Variants in FBP1 observed in about 807,000 individuals in gnomAD.
FBP1 encodes the protein fructose-1,6-bisphosphatase 1.
Under a neutral mutation model 29.9 loss-of-function variants are expected in FBP1, and 22 were observed. The observed-to-expected ratio is 0.74, with a 90% confidence interval of 0.53 to 1.05. The LOEUF (loss-of-function observed/expected upper bound fraction) is 1.05, where lower values mean the gene tolerates loss of function less well. FBP1 is among the 50% of genes least tolerant of loss of function. The pLI is 0.00. For missense variants in FBP1, 345 were observed against 448.2 expected, an observed-to-expected ratio of 0.77 and a Z score of 2.08; for synonymous variants, 175 against 178.6, an observed-to-expected ratio of 0.98 and a Z score of 0.16.
chr9:94,632,331 A>G (rs1325122857), intron 1 of FBP1, among the ~76,000 whole-genome samples: 2 of 152,184 alleles, frequency 1.3e-5, no homozygotes, highest in African/African-American at 4.8e-5. Flanking sequence ...GGCTACTGCT[A>G]AGAAATGAAG....
chr9:94,617,689 T>C, intron 3 of FBP1, 79 bp downstream of exon 3: 1 of 908,036 alleles, frequency 1.1e-6, no homozygotes, highest in South Asian at 1.4e-5. Context: ...CTCCGGCTGC[T>C]CTGCCACAGT....
At chr9:94,613,894 ACG>A (rs1211932153) in intron 3 of FBP1, among the ~76,000 whole-genome samples, 4 of 149,980 alleles carry the variant, frequency 2.7e-5, no homozygotes, top group East Asian at 2.0e-4. Flanking sequence ...TGGCTAACAC[ACG>A]GTGAAACCCC....
At chr9:94,613,729 G>C (rs1401635448) in intron 3 of FBP1, among the ~76,000 whole-genome samples, 1 of 151,006 alleles carries the variant, frequency 6.6e-6, no homozygotes, top group East Asian at 2.0e-4. Flanking sequence ...TGGCGCCACT[G>C]CTCTCAGCCT....
At chr9:94,620,879 T>C (rs1827936769) in intron 1 of FBP1, among the ~76,000 whole-genome samples, 1 of 152,180 alleles carries the variant, frequency 6.6e-6, no homozygotes, top group South Asian at 2.1e-4. Context: ...AACCTACGCA[T>C]TCTGCATGTG....
At chr9:94,612,594 A>G (rs956642419) in intron 3 of FBP1, among the ~76,000 whole-genome samples, 2 of 120,664 alleles carry the variant, frequency 1.7e-5, no homozygotes, top group Admixed American at 1.3e-4. Context: ...GTCTTGCTCT[A>G]TCGCCAGGCT....
intron 1 of FBP1, among the ~76,000 whole-genome samples, chr9:94,624,337 CAA>C (rs10717568): frequency 0.11 from 10,080 of 90,084 alleles, 494 homozygotes; most frequent in East Asian, 0.24. Flanking sequence ...GACTCCATCT[CAA>C]AAAAAAAAAA....
chr9:94,607,838 T>C (rs963108694), intron 4 of FBP1, among the ~76,000 whole-genome samples: 2 of 152,076 alleles, frequency 1.3e-5, no homozygotes, highest in African/African-American at 2.4e-5. Context: ...CCTACCCATA[T>C]GGAATACGTT....
chr9:94,639,156 G>A lies in FBP1; in HGVS notation c.155C>T (p.Ala52Val). 6.2e-7 allele frequency: 1 copy of A among 1,602,350 alleles called. No individual in the cohort carries two copies. The highest frequency in any genetic ancestry group is 8.5e-7 in the Non-Finnish European group (1 of 1,174,950). ...CCCGACTCACAGGTGCGCGATGCCC[G>A]CCTTGCGCACCGCCGAAGAGATGGC... ...VKAISSAVRK[A>V]GIAHLYGIAG... Residue 52 changes from alanine (A) to valine (V), a missense_variant, in exon 1 of 7, where the codon GCG (alanine) becomes GTG (valine). Coordinates refer to ENST00000375326, the MANE Select transcript of FBP1 (RefSeq NM_000507.4).
intron 6 of FBP1, among the ~76,000 whole-genome samples, chr9:94,604,856 A>G (rs1013258278): frequency 2.0e-5 from 3 of 152,196 alleles, no homozygotes; most frequent in Admixed American, 6.5e-5. Context: ...TCACCCTGGC[A>G]GAAGGAAAGC....
At chr9:94,615,129 C>T (rs1827844590) in intron 3 of FBP1, among the ~76,000 whole-genome samples, 1 of 152,152 alleles carries the variant, frequency 6.6e-6, no homozygotes, top group Non-Finnish European at 1.5e-5. Flanking sequence ...AGGATGGTCG[C>T]AATCTCCTGA....
chr9:94,614,419 A>T (rs1308486819), intron 3 of FBP1, among the ~76,000 whole-genome samples: 3 of 152,112 alleles, frequency 2.0e-5, no homozygotes, highest in Non-Finnish European at 4.4e-5. Context: ...GGGCGCCTGT[A>T]GTCCCAGCTA....
intron 3 of FBP1, among the ~76,000 whole-genome samples, chr9:94,616,500 G>A (rs1827865032): frequency 7.5e-6 from 1 of 132,564 alleles, no homozygotes. Flanking sequence ...GAGTGCAGTG[G>A]TGTGATCTCG....
intron 4 of FBP1, among the ~76,000 whole-genome samples, chr9:94,608,130 G>T (rs1004709345): frequency 1.3e-5 from 2 of 152,348 alleles, no homozygotes; most frequent in African/African-American, 4.8e-5. Context: ...GAAAGTCTGT[G>T]TACAGAGACA....
intron 1 of FBP1, among the ~76,000 whole-genome samples, chr9:94,624,433 C>A (rs563060118): frequency 6.7e-6 from 1 of 150,216 alleles, no homozygotes; most frequent in East Asian, 2.0e-4. Context: ...CGGGTGGATC[C>A]CCTGAGGTCA....
intron 3 of FBP1, 108 bp downstream of exon 3, chr9:94,617,660 C>G: frequency 1.3e-6 from 1 of 754,018 alleles, no homozygotes; most frequent in Non-Finnish European, 2.4e-6. Context: ...ACTTCAGTCT[C>G]ACAGTTTCAT....
At chr9:94,621,398 A>AAAAATATATATATATAT (rs58726402) in intron 1 of FBP1, among the ~76,000 whole-genome samples, 5 of 146,158 alleles carry the variant, frequency 3.4e-5, no homozygotes, top group African/African-American at 1.3e-4. Context: ...TCCGTCTAAA[A>AAAAATATATATATATAT]ATATATATAT....
At chr9:94,612,723 A>G (rs1000730936) in intron 3 of FBP1, among the ~76,000 whole-genome samples, 1 of 147,572 alleles carries the variant, frequency 6.8e-6, no homozygotes, top group African/African-American at 2.5e-5. Context: ...CGCCTGGCTA[A>G]TTTTTTTTTT....
intron 1 of FBP1, among the ~76,000 whole-genome samples, chr9:94,627,335 A>G (rs1009534163): frequency 2.0e-5 from 3 of 152,176 alleles, no homozygotes; most frequent in Non-Finnish European, 4.4e-5. Context: ...AGCCTGGGCA[A>G]AAAAGAGTGA....
chr9:94,638,470 C>G (rs1036632941), intron 1 of FBP1, among the ~76,000 whole-genome samples: 1 of 152,174 alleles, frequency 6.6e-6, no homozygotes, highest in African/African-American at 2.4e-5. Flanking sequence ...ACCATCATTG[C>G]AAATCGATAG....
Sources: allele counts gnomAD v4.1 joint callset (sites outside exome capture counted in the v4.1 genomes callset), GRCh38; gene constraint gnomAD v4.1.1; transcripts MANE v1.5; gene names NCBI Gene and HGNC (gene_info 2026-07-23, HGNC 2026-07-21).